HACE1: variants seen among roughly 807,000 people sequenced by gnomAD.
The protein encoded by HACE1 is HECT domain and ankyrin repeat containing E3 ubiquitin protein ligase 1.
A neutral mutation model predicts 118.4 loss-of-function variants in HACE1; 73 were observed. The ratio of observed to expected loss-of-function variants is 0.62; its 90% CI spans 0.51 to 0.75. HACE1 has a LOEUF of 0.75. Ranked by LOEUF, HACE1 falls within the 30% of genes least tolerant of loss-of-function variation. The probability of loss-of-function intolerance (pLI) is 0.00; values close to 1 mark genes in which losing one functional copy is unlikely to be tolerated. For synonymous variants in HACE1, 368 were observed against 374.8 expected, an observed-to-expected ratio of 0.98 and a Z score of 0.21; for missense variants, 749 against 1,102.2, an observed-to-expected ratio of 0.68 and a Z score of 4.54.
chr6:104,797,668 T>C (rs1306039894), intron 7 of HACE1, among the ~76,000 whole-genome samples: 1 of 152,140 alleles, frequency 6.6e-6, no homozygotes, highest in Non-Finnish European at 1.5e-5. Context: ...TGCCCTAGAA[T>C]GAACTCTCCT....
chr6:104,841,118 CAA>C (rs1165724826), intron 5 of HACE1, among the ~76,000 whole-genome samples: 16 of 81,412 alleles, frequency 2.0e-4, no homozygotes, highest in South Asian at 4.0e-4. Context: ...GACTCTGTCT[CAA>C]AAAAAAAAAA....
chr6:104,787,715 T>C (rs573068757), intron 11 of HACE1, among the ~76,000 whole-genome samples: 18 of 152,188 alleles, frequency 1.2e-4, no homozygotes, highest in African/African-American at 3.6e-4. Context: ...AAACCAACAG[T>C]GATCCTATTT....
chr6:104,858,614 C>T (rs979199815), intron 1 of HACE1: 13 of 234,642 alleles, frequency 5.5e-5, no homozygotes, highest in Non-Finnish European at 1.1e-4. Flanking sequence ...GGTCTCCTTC[C>T]CTATCCTACA....
intron 11 of HACE1, among the ~76,000 whole-genome samples, chr6:104,790,864 A>G (rs1028475143): frequency 2.0e-5 from 3 of 152,176 alleles, no homozygotes; most frequent in Admixed American, 2.0e-4. Context: ...AAGAGCAATT[A>G]TAGTCCTATT....
intron 1 of HACE1, among the ~76,000 whole-genome samples, chr6:104,858,887 T>C (rs749699661): frequency 2.0e-5 from 3 of 152,202 alleles, no homozygotes; most frequent in African/African-American, 4.8e-5. Context: ...CCTGGCACGC[T>C]GAACTAAAAG....
intron 17 of HACE1, 146 bp downstream of exon 17, chr6:104,776,595 C>T: frequency 1.5e-6 from 1 of 670,482 alleles, no homozygotes; most frequent in East Asian, 2.7e-5. Flanking sequence ...CAGATAAAAA[C>T]TCTGAATTTC....
At chr6:104,766,426 G>A (rs1423342580) in intron 19 of HACE1, among the ~76,000 whole-genome samples, 1 of 152,044 alleles carries the variant, frequency 6.6e-6, no homozygotes, top group Non-Finnish European at 1.5e-5. Flanking sequence ...TCAGACTCTG[G>A]GGTACTCTGA....
intron 11 of HACE1, chr6:104,785,797 C>T (rs1321637599): frequency 1.3e-5 from 2 of 152,718 alleles, no homozygotes; most frequent in Non-Finnish European, 2.9e-5. Flanking sequence ...TCAATGTCAA[C>T]AACTTTCAAT....
intron 4 of HACE1, among the ~76,000 whole-genome samples, chr6:104,847,775 A>G (rs371819932): frequency 6.6e-6 from 1 of 151,992 alleles, no homozygotes; most frequent in Admixed American, 6.6e-5. Context: ...GACACAACGC[A>G]TTTGTATACC....
intron 6 of HACE1, among the ~76,000 whole-genome samples, chr6:104,812,191 T>G (rs1048175384): frequency 6.6e-6 from 1 of 151,910 alleles, no homozygotes; most frequent in African/African-American, 2.4e-5. Context: ...AGGAAGAAAA[T>G]GTAAAAACAT....
chr6:104,831,465 A>T lies in HACE1; in HGVS notation c.534+1577T>A, dbSNP rs185686788. 8.3e-3 allele frequency: 1,266 copies of T among 152,312 alleles called. 17 individuals carry two copies. Among genetic ancestry groups the T allele is most frequent in the Admixed American group, 0.036 (558 of 15,288 alleles). 9.4% of individuals were successfully genotyped at this position (152,312 alleles called of 1,614,324 possible). On this transcript the variant is annotated intron_variant, in intron 6 of 23. Coordinates refer to ENST00000262903, the MANE Select transcript of HACE1 (RefSeq NM_020771.4). Reference sequence around the variant, plus strand: ...CTGGGTGTGGTGGCACACACCTGTAATCCCAGCTACTTAGGAGGCTGAGGC... The same window carrying T: ...CTGGGTGTGGTGGCACACACCTGTATTCCCAGCTACTTAGGAGGCTGAGGC...
chr6:104,772,388 T>TATACAC (rs1427126881), intron 17 of HACE1, among the ~76,000 whole-genome samples: 2 of 152,142 alleles, frequency 1.3e-5, no homozygotes, highest in East Asian at 1.9e-4. Context: ...CAGAGGATCA[T>TATACAC]ATACACATAC....
rs557409090 is a variant in HACE1 at position 104,833,560 on chromosome 6, G to A, written c.403-387C>T. 1.4e-4 allele frequency among the ~76,000 whole-genome samples: 21 copies of A among 152,262 alleles called. No individual in the cohort carries two copies. The East Asian group carries it at 4.1e-3, about 29-fold the overall frequency. On this transcript the variant is annotated intron_variant, in intron 5 of 23. Coordinates refer to ENST00000262903, the MANE Select transcript of HACE1 (RefSeq NM_020771.4). ...CAGATTTCAAAATCAAGAACTCAGT[G>A]GGGCTCCAAGTGGTGACTCACGTTT...
chr6:104,785,414 G>A (rs932033319), intron 11 of HACE1, 95 bp from the exon 12 acceptor site: 6 of 731,806 alleles, frequency 8.2e-6, no homozygotes, highest in Middle Eastern at 3.8e-4. Flanking sequence ...TTATAGAAGA[G>A]AAAATTTACT....
chr6:104,824,966 C>T, intron 6 of HACE1: 1 of 150,926 alleles, frequency 6.6e-6, no homozygotes, highest in Non-Finnish European at 1.5e-5. Context: ...GCCTGTAGTC[C>T]CAGCTACGCG....
At chr6:104,856,298 G>A (rs1002176780) in intron 1 of HACE1, among the ~76,000 whole-genome samples, 2 of 152,156 alleles carry the variant, frequency 1.3e-5, no homozygotes, top group African/African-American at 4.8e-5. Flanking sequence ...ATCACATGGA[G>A]TAATTTTTTT....
At chr6:104,735,230 AAAC>A (rs1775684785) in intron 22 of HACE1, among the ~76,000 whole-genome samples, 1 of 152,154 alleles carries the variant, frequency 6.6e-6, no homozygotes. Flanking sequence ...CCTAATATAT[AAAC>A]AACACTTAAA....
Position 104,784,967 on chromosome 6 carries a change from A to T in HACE1, c.1409+18T>A, listed in dbSNP as rs1423014205. The T allele has an allele frequency of 1.9e-6, 3 of 1,550,138 alleles. No individual in the cohort carries two copies. In the East Asian group the frequency reaches 6.7e-5, roughly 35 times the overall value. ...ATCTATCAGAGAAAAAAAAAATAATAAGCCAAAACTTTCTTACCCCGGAGG... is the reference window on the plus strand; with the variant it reads ...ATCTATCAGAGAAAAAAAAAATAATTAGCCAAAACTTTCTTACCCCGGAGG... On this transcript the variant is annotated intron_variant, in intron 12 of 23. Transcript: ENST00000262903.
intron 20 of HACE1, 67 bp from the exon 21 acceptor site, chr6:104,744,677 T>C: frequency 1.1e-6 from 1 of 907,250 alleles, no homozygotes; most frequent in East Asian, 2.6e-5. Flanking sequence ...ATTTAAGTGG[T>C]AAATTTGCCA....
Sources: gnomAD v4.1 joint callset for allele counts (sites outside exome capture counted in the v4.1 genomes callset) on GRCh38, gnomAD v4.1.1 for gene constraint, MANE v1.5 for transcripts, NCBI Gene and HGNC (gene_info 2026-07-23, HGNC 2026-07-21) for gene names.